Variants in DENND11 observed in about 807,000 individuals in gnomAD.
DENND11 encodes DENN domain containing 11, also known as DENN domain-containing protein 11.
DENND11 carries 34 observed loss-of-function variants against 49.2 expected under a neutral mutation model. That is an observed-to-expected ratio of 0.69 (90% CI 0.53 to 0.92). The LOEUF is 0.92. Ranked by LOEUF, DENND11 falls within the 40% of genes least tolerant of loss-of-function variation. The probability of loss-of-function intolerance (pLI) is 0.00; values close to 1 mark genes in which losing one functional copy is unlikely to be tolerated. For missense variants in DENND11, 475 were observed against 581.6 expected, an observed-to-expected ratio of 0.82 and a Z score of 1.88; for synonymous variants, 238 against 230.3, an observed-to-expected ratio of 1.03 and a Z score of -0.30.
chr7:141,697,077 G>C (rs1286440799), intron 1 of DENND11, among the ~76,000 whole-genome samples: 1 of 152,218 alleles, frequency 6.6e-6, no homozygotes. Context: ...CTGGGTGGTA[G>C]TGTGGTGTGG....
At chr7:141,680,427 G>A (rs1798131518) in intron 3 of DENND11, among the ~76,000 whole-genome samples, 1 of 152,072 alleles carries the variant, frequency 6.6e-6, no homozygotes, top group Non-Finnish European at 1.5e-5. Flanking sequence ...TTATTTGGAT[G>A]GATATGGGAA....
chr7:141,665,156 G>C (rs1205276730), intron 6 of DENND11, 31 bp downstream of exon 6: 5 of 1,612,384 alleles, frequency 3.1e-6, no homozygotes, highest in Non-Finnish European at 3.4e-6. Context: ...TGGGACCTGA[G>C]GGCAAGATGA....
intron 3 of DENND11, among the ~76,000 whole-genome samples, chr7:141,678,831 T>C (rs1798106212): frequency 6.6e-6 from 1 of 152,234 alleles, no homozygotes; most frequent in Non-Finnish European, 1.5e-5. Flanking sequence ...TTTGTTTGAA[T>C]TGAGATCTGA....
intron 3 of DENND11, among the ~76,000 whole-genome samples, chr7:141,685,029 A>AAAATATAT (rs1305276426): frequency 1.7e-3 from 152 of 91,526 alleles, no homozygotes; most frequent in Non-Finnish European, 2.5e-3. Flanking sequence ...AAAAAAAAAA[A>AAAATATAT]ATATATATAT....
chr7:141,682,471 G>T (rs976302649), intron 3 of DENND11, among the ~76,000 whole-genome samples: 6 of 152,320 alleles, frequency 3.9e-5, no homozygotes, highest in African/African-American at 1.4e-4. Flanking sequence ...CTCTGTGATT[G>T]AGGACTTGAC....
intron 7 of DENND11, 74 bp downstream of exon 7, chr7:141,664,830 C>A: frequency 2.7e-6 from 4 of 1,475,800 alleles, no homozygotes; most frequent in South Asian, 1.3e-5. Flanking sequence ...AGAAGACAGG[C>A]TTTGCAGAGA....
At chr7:141,697,965 C>T (rs1798442769) in intron 1 of DENND11, among the ~76,000 whole-genome samples, 1 of 152,122 alleles carries the variant, frequency 6.6e-6, no homozygotes. Flanking sequence ...TCTTGAAAAC[C>T]TCAGCAGGTG....
At chr7:141,673,252 A>T (rs1227005338) in intron 4 of DENND11, among the ~76,000 whole-genome samples, 2 of 152,184 alleles carry the variant, frequency 1.3e-5, no homozygotes, top group African/African-American at 4.8e-5. Flanking sequence ...ATAAAAAAAA[A>T]AAAACAAAAA....
intron 1 of DENND11, among the ~76,000 whole-genome samples, chr7:141,687,550 AC>A (rs1206221629): frequency 7.1e-6 from 1 of 141,040 alleles, no homozygotes; most frequent in Non-Finnish European, 1.5e-5. Flanking sequence ...TGCAAGCTCC[AC>A]CTCCCAGGTT....
At chr7:141,664,678 A>G (rs1797859263) in intron 7 of DENND11, among the ~76,000 whole-genome samples, 1 of 152,206 alleles carries the variant, frequency 6.6e-6, no homozygotes, top group Non-Finnish European at 1.5e-5. Flanking sequence ...ATGAGAAGAA[A>G]TAAACCAGCA....
At chr7:141,699,916 TCACACACACA>T (rs145606748) in intron 1 of DENND11, among the ~76,000 whole-genome samples, 18 of 146,892 alleles carry the variant, frequency 1.2e-4, no homozygotes, top group South Asian at 4.3e-4. Context: ...AAACCATCAC[TCACACACACA>T]CACACACACA....
chr7:141,662,924 G>A, intron 8 of DENND11, 73 bp from the exon 9 acceptor site: 29 of 1,149,650 alleles, frequency 2.5e-5, no homozygotes, highest in Non-Finnish European at 3.2e-5. Flanking sequence ...TCCACATATG[G>A]GGAACCAAAA....
At chr7:141,688,799 CCCTG>C (rs1798283015) in intron 1 of DENND11, among the ~76,000 whole-genome samples, 1 of 152,192 alleles carries the variant, frequency 6.6e-6, no homozygotes, top group African/African-American at 2.4e-5. Flanking sequence ...ATCTTCCCTG[CCCTG>C]CCACAGGGTG....
chr7:141,697,999 C>T (rs1023246361), intron 1 of DENND11, among the ~76,000 whole-genome samples: 1 of 152,188 alleles, frequency 6.6e-6, no homozygotes, highest in African/African-American at 2.4e-5. Context: ...CTTACCCCTC[C>T]TCTTGCAAGC....
intron 1 of DENND11, among the ~76,000 whole-genome samples, chr7:141,695,095 T>TA (rs1554411347): frequency 2.0e-5 from 3 of 152,034 alleles, no homozygotes; most frequent in East Asian, 1.9e-4. Flanking sequence ...ATCTTTTTTT[T>TA]AAAAAAAATG....
At position 141,657,162 on chromosome 7, in the gene DENND11, A is replaced by G. The variant is rs1054221596; in HGVS notation, c.*5494T>C. 6.6e-6 allele frequency: 1 copy of G among 152,634 alleles called. No homozygotes were observed. Among genetic ancestry groups the G allele is most frequent in the Non-Finnish European group, 1.5e-5 (1 of 68,046 alleles). The allele number at this position is 152,634 out of a possible 1,614,324, so 9.5% of individuals were successfully genotyped here. A position where few individuals can be genotyped will look rare whatever the true frequency, so the allele number is the denominator to read the frequency against. ...ATTCTAACTCAGAAAGAAATGGGAA[A>G]ACAGTTTTTCTAAGGCTACAACTAT... On this transcript the variant is annotated 3_prime_UTR_variant, in exon 9 of 9. Transcript: ENST00000536163.
intron 1 of DENND11, among the ~76,000 whole-genome samples, chr7:141,691,910 A>T (rs909957665): frequency 6.6e-6 from 1 of 152,076 alleles, no homozygotes; most frequent in Non-Finnish European, 1.5e-5. Context: ...TGGGTATTTA[A>T]AAAAAAACAG....
Position 141,678,064 on chromosome 7 carries a change from C to T in DENND11, c.528-3844G>A, listed in dbSNP as rs541181076. On this transcript the variant is annotated intron_variant, in intron 3 of 8. Coordinates refer to ENST00000536163, the MANE Select transcript of DENND11 (RefSeq NM_001080392.2). Reference sequence around the variant, plus strand: ...CGCAACCTCCACCTCTGGGTTCAAGCGATTCTCCTGCCTCAGCTTCCCGAG... The same window carrying T: ...CGCAACCTCCACCTCTGGGTTCAAGTGATTCTCCTGCCTCAGCTTCCCGAG... Among the ~76,000 whole-genome samples the T allele has an allele frequency of 2.6e-5, 4 of 151,876 alleles. No homozygotes were observed. The East Asian group carries it at 7.8e-4, about 30-fold the overall frequency.
At chr7:141,687,687 T>C (rs1323342516) in intron 1 of DENND11, among the ~76,000 whole-genome samples, 1 of 143,168 alleles carries the variant, frequency 7.0e-6, no homozygotes, top group Non-Finnish European at 1.5e-5. Flanking sequence ...CAGGCTGGAG[T>C]GCAGTGGCGC....
Sources: gnomAD v4.1 joint callset for allele counts (sites outside exome capture counted in the v4.1 genomes callset) on GRCh38, gnomAD v4.1.1 for gene constraint, MANE v1.5 for transcripts, NCBI Gene and HGNC (gene_info 2026-07-23, HGNC 2026-07-21) for gene names.